The following GPHN variants were observed in gnomAD, a reference collection of about 807,000 sequenced individuals.
GPHN encodes gephyrin.
In GPHN, 17 loss-of-function variants were observed where a neutral mutation model predicts 95.5. That is an observed-to-expected ratio of 0.18 (90% CI 0.12 to 0.27). GPHN has a LOEUF of 0.27. GPHN is among the 10% of genes least tolerant of loss of function. The pLI is 1.00. For missense variants in GPHN, 660 were observed against 978.1 expected (o/e 0.67, Z 4.34); for synonymous variants, 320 against 322.5 (o/e 0.99, Z 0.08).
At chr14:66,930,532 T>G (rs906133647) in intron 8 of GPHN, among the ~76,000 whole-genome samples, 4 of 150,780 alleles carry the variant, frequency 2.7e-5, no homozygotes, top group Admixed American at 6.6e-5. Context: ...TAGGTTTTTT[T>G]TTTTTTTTTT....
intron 2 of GPHN, among the ~76,000 whole-genome samples, chr14:66,697,549 C>T (rs773558180): frequency 2.8e-4 from 43 of 151,914 alleles, no homozygotes; most frequent in Middle Eastern, 3.4e-3. Context: ...TCTCTGGCTT[C>T]TGTCATGTGA....
At chr14:67,274,673 C>G in the GPHN span, among the ~76,000 whole-genome samples, 1 of 152,106 alleles carries the variant, frequency 6.6e-6, no homozygotes, top group Non-Finnish European at 1.5e-5. Context: ...TCATTGGTAG[C>G]TTGATGGGGA....
chr14:67,379,270 T>C, the GPHN span, among the ~76,000 whole-genome samples: 18 of 152,340 alleles, frequency 1.2e-4, no homozygotes, highest in Admixed American at 3.3e-4. Context: ...ATCTTTAAAC[T>C]GACTTGGTTT....
chr14:66,621,050 T>C (rs1381987635), intron 1 of GPHN, among the ~76,000 whole-genome samples: 5 of 151,294 alleles, frequency 3.3e-5, no homozygotes, highest in Non-Finnish European at 7.4e-5. Flanking sequence ...CTGCAAGCTC[T>C]GCCTCCCGGG....
At chr14:66,987,384 C>T (rs1007838294) in intron 9 of GPHN, among the ~76,000 whole-genome samples, 8 of 152,010 alleles carry the variant, frequency 5.3e-5, no homozygotes, top group East Asian at 1.9e-4. Context: ...TGTGCGAGTG[C>T]GCGTGCGTGC....
At chr14:66,727,157 C>T (rs138526864) in intron 2 of GPHN, among the ~76,000 whole-genome samples, 105 of 152,328 alleles carry the variant, frequency 6.9e-4, no homozygotes, top group Non-Finnish European at 1.1e-3. Context: ...CAAGCTCACT[C>T]TTGGCCTGCT....
chr14:67,700,989 A>C, the GPHN span, among the ~76,000 whole-genome samples: 76 of 140,534 alleles, frequency 5.4e-4, no homozygotes, highest in African/African-American at 1.9e-3. Context: ...TTGCCACTGC[A>C]CTCCAGCCTG....
chr14:66,704,833 T>C (rs2068905842), intron 2 of GPHN, among the ~76,000 whole-genome samples: 1 of 151,606 alleles, frequency 6.6e-6, no homozygotes, highest in Admixed American at 6.6e-5. Flanking sequence ...TTGAAGGAGA[T>C]AGAGACACAA....
intron 1 of GPHN, chr14:66,509,279 A>C (rs142625349): frequency 6.8e-6 from 1 of 147,238 alleles, no homozygotes; most frequent in African/African-American, 2.7e-5. Flanking sequence ...TTCCTTAGCG[A>C]GGACGGGCTG....
intron 10 of GPHN, among the ~76,000 whole-genome samples, chr14:67,035,570 A>G (rs1337024956): frequency 6.6e-6 from 1 of 151,894 alleles, no homozygotes; most frequent in Non-Finnish European, 1.5e-5. Flanking sequence ...TCGGAAATAG[A>G]GATGATAAGA....
rs1373051435 is a variant in GPHN, at chr14:66,952,448, G to A, written c.829-12743G>A. Among the ~76,000 whole-genome samples the A allele has an allele frequency of 3.9e-5, 6 of 152,108 alleles. No homozygotes were observed. In the East Asian group the frequency reaches 1.2e-3, roughly 29 times the overall value. ...CATTTATTAGCTGATGGTCATTTGG[G>A]TTGTGTGTACTTTTTGATTATTAAA... On this transcript the variant is annotated intron_variant, in intron 8 of 22. Transcript: ENST00000478722.
chr14:67,400,733 A>T, the GPHN span, among the ~76,000 whole-genome samples: 1 of 151,936 alleles, frequency 6.6e-6, no homozygotes, highest in African/African-American at 2.4e-5. Flanking sequence ...CACGCCTGTA[A>T]TCCCAGCACT....
At chr14:67,591,501 C>T in the GPHN span, among the ~76,000 whole-genome samples, 3 of 152,114 alleles carry the variant, frequency 2.0e-5, no homozygotes, top group Non-Finnish European at 4.4e-5. Context: ...TAAATACCTA[C>T]CTCTAAATTT....
At chr14:67,724,995 G>T in the GPHN span, 1 of 1,287,936 alleles carries the variant, frequency 7.8e-7, no homozygotes, top group Non-Finnish European at 1.1e-6. Flanking sequence ...TTGAAGGATG[G>T]CTGGGAGAAT....
rs567296842 is a variant in GPHN, at chr14:66,862,909, C to A, written c.295-17030C>A. ...AAACTGAAAGCATTTCCTCTAAGAT[C>A]TGCAACATGACAAAGATGCCTACTG... On this transcript the variant is annotated intron_variant, in intron 4 of 22. Transcript: ENST00000478722. 9.2e-5 allele frequency among the ~76,000 whole-genome samples: 14 copies of A among 152,174 alleles called. No individual in the cohort carries two copies. In the South Asian group the frequency reaches 2.5e-3, roughly 27 times the overall value.
At chr14:67,578,703 G>T in the GPHN span, 3 of 983,938 alleles carry the variant, frequency 3.0e-6, no homozygotes, top group East Asian at 5.2e-5. The surrounding 1 kb of genome is among the most constrained non-coding windows in gnomAD (Gnocchi z 5.0). Context: ...GGGATGAGAG[G>T]AGTCTAGGGC....
At chr14:66,730,920 C>A (rs1165908034) in intron 2 of GPHN, among the ~76,000 whole-genome samples, 1 of 152,154 alleles carries the variant, frequency 6.6e-6, no homozygotes, top group Non-Finnish European at 1.5e-5. Flanking sequence ...GACCTGTAAT[C>A]TTCATGTGTC....
chr14:67,550,652 A>G, the GPHN span, among the ~76,000 whole-genome samples: 1 of 152,248 alleles, frequency 6.6e-6, no homozygotes, highest in Non-Finnish European at 1.5e-5. Flanking sequence ...ACTGCTATAG[A>G]AAATAGAAAA....
intron 3 of GPHN, among the ~76,000 whole-genome samples, chr14:66,815,437 A>G (rs1295645871): frequency 6.6e-6 from 1 of 152,234 alleles, no homozygotes; most frequent in Non-Finnish European, 1.5e-5. Flanking sequence ...TCACCTACAA[A>G]GGGAAGCCCA....
Sources: allele counts gnomAD v4.1 joint callset (sites outside exome capture counted in the v4.1 genomes callset), GRCh38; gene constraint gnomAD v4.1.1; non-coding constraint Gnocchi (gnomAD v3.1); transcripts MANE v1.5; gene names NCBI Gene and HGNC (gene_info 2026-07-23, HGNC 2026-07-21).